Variants in UBASH3A observed in about 807,000 individuals in gnomAD.
UBASH3A encodes ubiquitin associated and SH3 domain containing A.
A neutral mutation model predicts 73.5 loss-of-function variants in UBASH3A; 63 were observed. The observed-to-expected ratio is 0.86, with a 90% CI of 0.70 to 1.06. The LOEUF (loss-of-function observed/expected upper bound fraction) is 1.06, where lower values mean the gene tolerates loss of function less well. UBASH3A is among the 50% of genes least tolerant of loss of function. The probability of loss-of-function intolerance (pLI) is 0.00; values close to 1 mark genes in which losing one functional copy is unlikely to be tolerated. For missense variants in UBASH3A, 860 were observed against 859.0 expected (o/e 1.00, Z -0.02); for synonymous variants, 363 against 351.1 (o/e 1.03, Z -0.38).
chr21:42,429,114 G>A (rs1486994852), intron 8 of UBASH3A, among the ~76,000 whole-genome samples: 1 of 152,192 alleles, frequency 6.6e-6, no homozygotes, highest in South Asian at 2.1e-4. Flanking sequence ...AGCCAGAGAG[G>A]CAGAGACTGG....
intron 5 of UBASH3A, among the ~76,000 whole-genome samples, chr21:42,415,126 G>A (rs557575959): frequency 1.0e-3 from 152 of 152,300 alleles, no homozygotes; most frequent in African/African-American, 3.3e-3. Context: ...CCCCTTGCCC[G>A]CGTTGGTCCT....
At chr21:42,441,455 G>A (rs1237871455) in intron 11 of UBASH3A, among the ~76,000 whole-genome samples, 4 of 144,596 alleles carry the variant, frequency 2.8e-5, no homozygotes, top group Non-Finnish European at 6.1e-5. Context: ...CCAGTTGATG[G>A]GGGAGGACTC....
intron 2 of UBASH3A, 102 bp downstream of exon 2, chr21:42,406,463 C>A: frequency 9.8e-7 from 1 of 1,019,476 alleles, no homozygotes. Flanking sequence ...AGCCGGGCGC[C>A]TCTGGGTGGG....
intron 9 of UBASH3A, 117 bp downstream of exon 9, chr21:42,432,319 A>G (rs2146572714): frequency 1.4e-6 from 1 of 695,704 alleles, no homozygotes; most frequent in South Asian, 1.8e-5. Flanking sequence ...CTGTAGAATG[A>G]CCATGTGTAG....
Position 42,442,505 on chromosome 21 carries a change from T to G in UBASH3A, c.1540T>G (p.Trp514Gly). The G allele has an allele frequency of 3.1e-6, 5 of 1,614,058 alleles. No individual in the cohort carries two copies. Among genetic ancestry groups the G allele is most frequent in the Non-Finnish European group, 4.2e-6 (5 of 1,179,990 alleles). Reference sequence around the variant, plus strand: ...ACGAGTGGAACCTGGAATCTTTGAATGGACAAAATGGGAAGCTGGCAAAAC... The same window carrying G: ...ACGAGTGGAACCTGGAATCTTTGAAGGGACAAAATGGGAAGCTGGCAAAAC... ...KIRVEPGIFE[W>G]TKWEAGKTTP... Residue 514 changes from tryptophan to glycine, a missense_variant, in exon 12 of 15, where the codon TGG becomes GGG. Transcript: ENST00000319294.
At chr21:42,405,364 C>G (rs575533427) in intron 1 of UBASH3A, among the ~76,000 whole-genome samples, 1 of 152,316 alleles carries the variant, frequency 6.6e-6, no homozygotes, top group East Asian at 1.9e-4. Context: ...CCCGAACCAG[C>G]TTTCCATGCC....
chr21:42,431,354 CG>C (rs995265896), intron 8 of UBASH3A, among the ~76,000 whole-genome samples: 3 of 152,250 alleles, frequency 2.0e-5, no homozygotes, highest in African/African-American at 7.2e-5. Flanking sequence ...AGAAAGAGGG[CG>C]GGCGTGAGCC....
At chr21:42,414,156 C>A (rs1012570958) in intron 5 of UBASH3A, among the ~76,000 whole-genome samples, 1 of 152,156 alleles carries the variant, frequency 6.6e-6, no homozygotes, top group South Asian at 2.1e-4. Flanking sequence ...TAAAATCTGA[C>A]GAGGCCGCAG....
At chr21:42,424,132 G>A (rs2053392894) in intron 7 of UBASH3A, among the ~76,000 whole-genome samples, 1 of 152,128 alleles carries the variant, frequency 6.6e-6, no homozygotes. Context: ...AGATAGCTGT[G>A]CAGATGTTGA....
intron 3 of UBASH3A, among the ~76,000 whole-genome samples, chr21:42,412,544 T>C (rs2053121578): frequency 6.6e-6 from 1 of 152,170 alleles, no homozygotes; most frequent in East Asian, 1.9e-4. Context: ...GGAACCCGAC[T>C]CAGTGCTCAG....
chr21:42,412,836 A>G (rs986759517), intron 3 of UBASH3A, among the ~76,000 whole-genome samples, 188 bp from the exon 4 acceptor site: 9 of 152,238 alleles, frequency 5.9e-5, no homozygotes, highest in Non-Finnish European at 1.3e-4. Context: ...GAAATATTTG[A>G]AAAAACCGAG....
rs375542966 is a variant in UBASH3A at position 42,447,201 on chromosome 21, C to T, written c.*7C>T. 4.0e-5 allele frequency: 65 copies of T among 1,613,038 alleles called. No individual in the cohort carries two copies. Among genetic ancestry groups the T allele is most frequent in the African/African-American group, 2.9e-4 (22 of 74,856 alleles). The stretch of plus-strand genomic sequence containing the variant: ...CTGGATCTCAGGCAACTGAGAGCCA[C>T]GGTGATGTTGTCATAACCTCAGAGT... On this transcript the variant is annotated 3_prime_UTR_variant, in exon 15 of 15. Transcript: ENST00000319294.
Position 42,434,948 on chromosome 21 carries a change from A to T in UBASH3A, c.1387A>T (p.Ile463Phe), listed in dbSNP as rs202199237. The change falls in exon 10 of 15, where the codon ATT (isoleucine) becomes TTT (phenylalanine). Residue 463 changes from isoleucine to phenylalanine, a missense_variant. By Grantham distance (21) the Ile-to-Phe change is conservative (BLOSUM62 0). Transcript: ENST00000319294. ...LSSCGIFQSR[I>F]AGDALLDSGI... ...ATCGTGTGGCATTTTCCAGTCCAGA[A>T]TTGCAGGTATGTTTGAGGACTGTCT... The T allele has an allele frequency of 2.1e-4, 332 of 1,614,150 alleles. No individual in the cohort carries two copies. The highest frequency in any genetic ancestry group is 3.5e-4 in the Admixed American group (21 of 60,012).
At chr21:42,405,886 C>T (rs910362437) in intron 1 of UBASH3A, among the ~76,000 whole-genome samples, 5 of 144,476 alleles carry the variant, frequency 3.5e-5, no homozygotes, top group African/African-American at 7.8e-5. Context: ...GTGTGGGAGG[C>T]GAGCCTGGGG....
chr21:42,433,112 A>G (rs973239132), intron 9 of UBASH3A, among the ~76,000 whole-genome samples: 2 of 152,224 alleles, frequency 1.3e-5, no homozygotes, highest in Non-Finnish European at 2.9e-5. Context: ...AAAAGAAAAA[A>G]TATTTGGTCA....
Position 42,413,196 on chromosome 21 carries a change from T to G in UBASH3A, c.527T>G (p.Phe176Cys). 1.2e-6 allele frequency: 2 copies of G among 1,614,218 alleles called. No homozygotes were observed. Among genetic ancestry groups the G allele is most frequent in the Non-Finnish European group, 1.7e-6 (2 of 1,180,030 alleles). ...GTCATCCGGGAATTCGCCATGACCT[T>G]CGCCACGGAAGCATCTCTCTTAGCA... ...ADVIREFAMTFATEASLLAGT... is the reference protein window; with the variant it reads ...ADVIREFAMTCATEASLLAGT... Residue 176 changes from phenylalanine (F) to cysteine (C), a missense_variant, in exon 4 of 15, where the codon TTC becomes TGC. Transcript: ENST00000319294. This position sits in a 1 kb window ranked among gnomAD's most constrained non-coding sequence, Gnocchi z 4.5.
intron 7 of UBASH3A, among the ~76,000 whole-genome samples, chr21:42,421,540 G>A (rs1037526148): frequency 1.3e-5 from 2 of 152,214 alleles, no homozygotes; most frequent in African/African-American, 4.8e-5. Flanking sequence ...GAACACAGAT[G>A]TATCAGCATC....
Position 42,413,025 on chromosome 21 carries a change from G to T in UBASH3A, c.356G>T (p.Cys119Phe), listed in dbSNP as rs930693277. ...CAGGCTCTGTCTCTGTCCCCTTAGT[G>T]TGAAGACCAGAAGGTGGAATGCCTG... is the stretch of plus-strand genomic sequence containing the variant. ...PHVTLCDFFT[C>F]EDQKVECLYE... Residue 119 changes from cysteine (C) to phenylalanine (F), a missense_variant and splice_region_variant, in exon 4 of 15, where the codon TGT becomes TTT. Transcript: ENST00000319294. This position sits in a 1 kb window ranked among gnomAD's most constrained non-coding sequence, Gnocchi z 4.5. The T allele has an allele frequency of 6.2e-7, 1 of 1,613,842 alleles. No homozygotes were observed. Among genetic ancestry groups the T allele is most frequent in the African/African-American group, 1.3e-5 (1 of 74,944 alleles).
At chr21:42,411,443 GAC>G (rs368953497) in intron 3 of UBASH3A, among the ~76,000 whole-genome samples, 226 of 151,088 alleles carry the variant, frequency 1.5e-3, no homozygotes, top group Admixed American at 2.9e-3. Context: ...CACACATACA[GAC>G]ACACACATAA....
Sources: gnomAD v4.1 joint callset for allele counts (sites outside exome capture counted in the v4.1 genomes callset) on GRCh38, gnomAD v4.1.1 for gene constraint, Gnocchi (gnomAD v3.1) non-coding constraint, MANE v1.5 for transcripts, NCBI Gene and HGNC (gene_info 2026-07-23, HGNC 2026-07-21) for gene names.